SRGAP2: variants seen among roughly 807,000 people sequenced by gnomAD.
SRGAP2 encodes the protein SLIT-ROBO Rho GTPase-activating protein 2.
SRGAP2 carries 15 observed loss-of-function variants against 57.2 expected under a neutral mutation model. The observed-to-expected ratio is 0.26, with a 90% confidence interval of 0.18 to 0.40. The LOEUF is 0.40. Ranked by LOEUF, SRGAP2 falls within the 10% of genes least tolerant of loss-of-function variation. The pLI is 1.00. For missense variants in SRGAP2, 520 were observed against 669.6 expected (o/e 0.78, Z 2.47); for synonymous variants, 249 against 248.0 (o/e 1.00, Z -0.04).
intron 5 of SRGAP2, among the ~76,000 whole-genome samples, chr1:206,391,626 C>T (rs1327689106): frequency 7.2e-6 from 1 of 139,208 alleles, no homozygotes; most frequent in Non-Finnish European, 1.5e-5. Context: ...CACACACACA[C>T]ACACACACAC....
chr1:206,390,000 C>A (rs1172747035), intron 5 of SRGAP2, among the ~76,000 whole-genome samples: 7 of 149,630 alleles, frequency 4.7e-5, no homozygotes, highest in Non-Finnish European at 7.4e-5. Flanking sequence ...ATATATATAT[C>A]TAAGTCCTAT....
Position 206,216,802 on chromosome 1 carries a change from T to G in SRGAP2, c.67+10765T>G, listed in dbSNP as rs572070364. On this transcript the variant is annotated intron_variant, in intron 2 of 22. Transcript: ENST00000573034. ...AGGCATATTCTCTTTGTTTTTTTGTTTGTTTGTTTGTTTGTTTGTTTGTTT... is the reference window on the plus strand; with the variant it reads ...AGGCATATTCTCTTTGTTTTTTTGTGTGTTTGTTTGTTTGTTTGTTTGTTT... Among the ~76,000 whole-genome samples the G allele has an allele frequency of 3.9e-3, 347 of 89,484 alleles. 7 individuals are homozygous for G. The highest frequency in any genetic ancestry group is 0.011 in the African/African-American group (232 of 20,276). 58.7% of individuals were successfully genotyped at this position (89,484 alleles called of 152,430 possible).
chr1:206,447,867 G>C (rs1338279342), intron 18 of SRGAP2, among the ~76,000 whole-genome samples: 3 of 152,112 alleles, frequency 2.0e-5, no homozygotes, highest in African/African-American at 7.2e-5. Flanking sequence ...TGGCTCACGG[G>C]GACAGGTGCC....
Position 206,253,860 on chromosome 1 carries a change from G to A in SRGAP2, c.67+47823G>A, listed in dbSNP as rs1218340294. Among the ~76,000 whole-genome samples, 32 of 148,898 alleles carry A rather than the reference G, an allele frequency of 2.1e-4. No individual in the cohort carries two copies. In the East Asian group the frequency reaches 4.0e-3, roughly 19 times the overall value. On this transcript the variant is annotated intron_variant, in intron 2 of 22. Coordinates refer to ENST00000573034, the MANE Select transcript of SRGAP2 (RefSeq NM_015326.5). The stretch of plus-strand genomic sequence containing the variant: ...CAGTCTGTGGCATTCTGTTATAACA[G>A]CATGAAATAGACAAAGGCTCCATTT...
intron 5 of SRGAP2, among the ~76,000 whole-genome samples, chr1:206,387,342 A>G (rs1656406411): frequency 1.3e-5 from 2 of 148,540 alleles, no homozygotes; most frequent in Admixed American, 1.3e-4. Flanking sequence ...GTCACCTTGC[A>G]TGGGAGAGTG....
intron 13 of SRGAP2, among the ~76,000 whole-genome samples, chr1:206,426,955 AG>A (rs1272220561): frequency 6.6e-6 from 1 of 152,150 alleles, no homozygotes; most frequent in African/African-American, 2.4e-5. Flanking sequence ...GCTCTGCAAA[AG>A]CTTTGTAGCT....
At chr1:206,290,496 G>C (rs1282245943) in intron 2 of SRGAP2, among the ~76,000 whole-genome samples, 1 of 151,534 alleles carries the variant, frequency 6.6e-6, no homozygotes, top group Non-Finnish European at 1.5e-5. Flanking sequence ...AAAAAAATTG[G>C]CCCGGCGTGG....
At chr1:206,445,363 A>T (rs1553373385) in intron 17 of SRGAP2, among the ~76,000 whole-genome samples, 1 of 152,226 alleles carries the variant, frequency 6.6e-6, no homozygotes, top group Non-Finnish European at 1.5e-5. Context: ...TAAATACCCG[A>T]GAATGAAGTC....
intron 2 of SRGAP2, among the ~76,000 whole-genome samples, chr1:206,232,191 C>T (rs571824918): frequency 2.0e-4 from 31 of 152,214 alleles, no homozygotes; most frequent in Admixed American, 1.6e-3. Flanking sequence ...ACGGCCTGGG[C>T]GCTCACAGTA....
rs546153823 is a variant in SRGAP2, at chr1:206,228,893, T to C, written c.67+22856T>C. 2.0e-5 allele frequency among the ~76,000 whole-genome samples: 3 copies of C among 150,384 alleles called. No homozygotes were observed. The East Asian group carries it at 5.8e-4, about 29-fold the overall frequency. On this transcript the variant is annotated intron_variant, in intron 2 of 22. Transcript: ENST00000573034. ...AAAGGAGCCATTTTCCAATCTCTTA[T>C]CTTGTTGGGGTGTGTTAGAAAAATA...
chr1:206,228,805 A>G (rs1667437675), intron 2 of SRGAP2, among the ~76,000 whole-genome samples: 1 of 149,734 alleles, frequency 6.7e-6, no homozygotes, highest in Non-Finnish European at 1.5e-5. Flanking sequence ...GTTCCCTAGC[A>G]GGGTAATTCC....
rs1381577498 is a variant in SRGAP2 at position 206,409,534 on chromosome 1, C to T, written c.1356+2960C>T. ...TGGCGGCTCATGCCTGTAATCCCAG[C>T]GCTGTGGGAGCCTGAAGCGGGTGGG... On this transcript the variant is annotated intron_variant, in intron 10 of 22. Coordinates refer to ENST00000573034, the MANE Select transcript of SRGAP2 (RefSeq NM_015326.5). 7.9e-5 allele frequency among the ~76,000 whole-genome samples: 12 copies of T among 152,194 alleles called. No individual in the cohort carries two copies. The South Asian group carries it at 1.7e-3, about 21-fold the overall frequency.
At chr1:206,369,745 A>G (rs2103017515) in intron 4 of SRGAP2, among the ~76,000 whole-genome samples, 1 of 152,136 alleles carries the variant, frequency 6.6e-6, no homozygotes, top group African/African-American at 2.4e-5. Context: ...GGAAGAAAGA[A>G]AAGGAAAGAA....
chr1:206,333,395 G>T (rs1674526446), intron 3 of SRGAP2: 1 of 1,385,286 alleles, frequency 7.2e-7, no homozygotes, highest in Non-Finnish European at 1.0e-6. Flanking sequence ...CTTGTCAACA[G>T]CTGTTATCTT....
chr1:206,435,163 T>A (rs139564232), intron 14 of SRGAP2, among the ~76,000 whole-genome samples: 3 of 152,326 alleles, frequency 2.0e-5, no homozygotes, highest in African/African-American at 7.2e-5. Flanking sequence ...GGTAACTATA[T>A]TTCCTCTGCT....
intron 4 of SRGAP2, among the ~76,000 whole-genome samples, chr1:206,378,436 A>G (rs1655409803): frequency 6.6e-6 from 1 of 152,186 alleles, no homozygotes; most frequent in Admixed American, 6.5e-5. Flanking sequence ...GCAGTGAGCT[A>G]TGATCAGGCC....
intron 14 of SRGAP2, 38 bp from the exon 15 acceptor site, chr1:206,436,927 T>C (rs782520860): frequency 2.6e-6 from 2 of 780,436 alleles, no homozygotes; most frequent in Non-Finnish European, 4.8e-6. Context: ...GTGAATTTGC[T>C]TTTTCTTCTT....
At chr1:206,383,988 TA>T in intron 4 of SRGAP2, 25 bp from the exon 5 acceptor site, 1 of 1,369,908 alleles carries the variant, frequency 7.3e-7, no homozygotes, top group Non-Finnish European at 1.0e-6. Flanking sequence ...GTTTCCCAAT[TA>T]ACCTTCATTC....
In SRGAP2 at chr1:206,454,784, G is replaced by A. The variant is rs576447670; in HGVS notation, c.2361-94G>A. The A allele has an allele frequency of 1.7e-5, 11 of 649,314 alleles. 1 individual carries two copies. The highest frequency in any genetic ancestry group is 5.4e-5 in the African/African-American group (3 of 55,638). The allele number at this position is 649,314 out of a possible 1,614,324, so 40.2% of individuals were successfully genotyped here. A position where few individuals can be genotyped will look rare whatever the true frequency, so the allele number is the denominator to read the frequency against. On this transcript the variant is annotated intron_variant, in intron 20 of 22. Transcript: ENST00000573034. This position sits in a 1 kb window ranked among gnomAD's most constrained non-coding sequence, Gnocchi z 4.3. ...CTGCCTCAGAGCTGTGTGGGGTCGC[G>A]TGTATGTCGGGGGGCCATCTTGCCG...
Sources: gnomAD v4.1 joint callset for allele counts (sites outside exome capture counted in the v4.1 genomes callset) on GRCh38, gnomAD v4.1.1 for gene constraint, Gnocchi (gnomAD v3.1) non-coding constraint, MANE v1.5 for transcripts, NCBI Gene and HGNC (gene_info 2026-07-23, HGNC 2026-07-21) for gene names.